The following PTGFRN variants were observed in gnomAD, a reference collection of about 807,000 sequenced individuals.
The protein encoded by PTGFRN is prostaglandin F2 receptor negative regulator.
Under a neutral mutation model 83.2 loss-of-function variants are expected in PTGFRN, and 35 were observed. The observed-to-expected ratio is 0.42, with a 90% CI of 0.32 to 0.56. PTGFRN has a LOEUF of 0.56. PTGFRN is among the 20% of genes least tolerant of loss of function. PTGFRN has a pLI of 0.11. For synonymous variants in PTGFRN, 519 were observed against 498.6 expected (o/e 1.04, Z -0.55); for missense variants, 1,051 against 1,179.5 (o/e 0.89, Z 1.60).
intron 7 of PTGFRN, among the ~76,000 whole-genome samples, chr1:116,980,744 T>A (rs538328021): frequency 6.6e-6 from 1 of 152,158 alleles, no homozygotes; most frequent in Non-Finnish European, 1.5e-5. Flanking sequence ...TTAGGAGATA[T>A]ACCTAATGTA....
intron 6 of PTGFRN, among the ~76,000 whole-genome samples, chr1:116,972,494 A>G (rs995078035): frequency 6.6e-6 from 1 of 152,240 alleles, no homozygotes; most frequent in African/African-American, 2.4e-5. Flanking sequence ...CATCATGTCA[A>G]AATGAAAATA....
intron 5 of PTGFRN, among the ~76,000 whole-genome samples, chr1:116,962,853 C>A (rs573979752): frequency 1.3e-5 from 2 of 152,200 alleles, no homozygotes; most frequent in Non-Finnish European, 2.9e-5. Flanking sequence ...TGTGTCTTCA[C>A]GTCTCTCTCA....
In PTGFRN at chr1:116,961,794, A is replaced by G; in HGVS notation, c.1639+126A>G. On this transcript the variant is annotated intron_variant, in intron 5 of 8. Coordinates refer to ENST00000393203, the MANE Select transcript of PTGFRN (RefSeq NM_020440.4). This position sits in a 1 kb window ranked among gnomAD's most constrained non-coding sequence, Gnocchi z 5.4. ...CTAGGAATGTGTGTCCTGGACATTG[A>G]TCGCCATGCGACCCGTTGCACATGC... 1 of 955,520 alleles carries G rather than the reference A, an allele frequency of 1.0e-6. No homozygotes were observed. Among genetic ancestry groups the G allele is most frequent in the Non-Finnish European group, 1.5e-6 (1 of 655,268 alleles). The allele number at this position is 955,520 out of a possible 1,614,324, so 59.2% of individuals were successfully genotyped here. A position where few individuals can be genotyped will look rare whatever the true frequency, so the allele number is the denominator to read the frequency against.
chr1:116,927,979 A>G (rs1273961383), intron 1 of PTGFRN, among the ~76,000 whole-genome samples: 4 of 152,206 alleles, frequency 2.6e-5, no homozygotes, highest in Non-Finnish European at 5.9e-5. Context: ...AGATTTCCAG[A>G]TATAAATGGC....
At position 116,952,776 on chromosome 1, in the gene PTGFRN, T is replaced by G. The variant is rs1183760996; in HGVS notation, c.1213+3204T>G. On this transcript the variant is annotated intron_variant, in intron 4 of 8. Transcript: ENST00000393203. The surrounding 1 kb of genome is among the most constrained non-coding windows in gnomAD (Gnocchi z 4.0). ...CATTGGAAAAGATAATAGACAGGGCTTTCAACTGTTCTTTTACAAAAGGCC... is the reference window on the plus strand; with the variant it reads ...CATTGGAAAAGATAATAGACAGGGCGTTCAACTGTTCTTTTACAAAAGGCC... Among the ~76,000 whole-genome samples, 1 of 152,230 alleles carries G rather than the reference T, an allele frequency of 6.6e-6. No homozygotes were observed. The highest frequency in any genetic ancestry group is 1.5e-5 in the Non-Finnish European group (1 of 68,038).
intron 6 of PTGFRN, 141 bp downstream of exon 6, chr1:116,967,471 C>T (rs1314961235): frequency 1.1e-6 from 1 of 909,188 alleles, no homozygotes; most frequent in African/African-American, 1.7e-5. Context: ...GTGTGTAATT[C>T]AGTGGCTTTT....
chr1:116,979,178 T>C (rs1306668427), intron 7 of PTGFRN, among the ~76,000 whole-genome samples: 1 of 152,132 alleles, frequency 6.6e-6, no homozygotes, highest in East Asian at 1.9e-4. Context: ...GTGAAGGACC[T>C]CTTCAAGGAG....
At position 116,913,723 on chromosome 1, in the gene PTGFRN, T is replaced by C. The variant is rs1208670908; in HGVS notation, c.49+3471T>C. ...ACTCATACTGGTTGTTTGATACATA[T>C]TGGCTGACTGAATACTTACATATGT... On this transcript the variant is annotated intron_variant, in intron 1 of 8. Coordinates refer to ENST00000393203, the MANE Select transcript of PTGFRN (RefSeq NM_020440.4). 6.6e-5 allele frequency among the ~76,000 whole-genome samples: 10 copies of C among 152,228 alleles called. No individual in the cohort carries two copies. In the East Asian group the frequency reaches 1.7e-3, roughly 26 times the overall value.
At chr1:116,921,691 TGCAAGA>T (rs1649541027) in intron 1 of PTGFRN, among the ~76,000 whole-genome samples, 1 of 152,108 alleles carries the variant, frequency 6.6e-6, no homozygotes, top group South Asian at 2.1e-4. Context: ...TCTGACATTG[TGCAAGA>T]TTACAAAGTC....
intron 6 of PTGFRN, among the ~76,000 whole-genome samples, chr1:116,968,495 A>T (rs184059222): frequency 2.6e-5 from 4 of 152,244 alleles, no homozygotes; most frequent in African/African-American, 9.6e-5. Context: ...ATTTGGAGAA[A>T]GCATAGGCCT....
At chr1:116,950,058 A>T (rs1650303679) in intron 4 of PTGFRN, among the ~76,000 whole-genome samples, 1 of 152,104 alleles carries the variant, frequency 6.6e-6, no homozygotes, top group Non-Finnish European at 1.5e-5. Context: ...TATACCACTT[A>T]CAACTAAAGG....
At chr1:116,962,756 C>T (rs1452102115) in intron 5 of PTGFRN, among the ~76,000 whole-genome samples, 6 of 152,166 alleles carry the variant, frequency 3.9e-5, no homozygotes, top group East Asian at 1.9e-4. Context: ...TGTACCGCTC[C>T]GTCTAGTACT....
chr1:116,909,988 T>TGGAGGAGGGAGGGAA lies in PTGFRN; in HGVS notation c.-210_-196dup. 1 of 570,368 alleles carries TGGAGGAGGGAGGGAA rather than the reference T, an allele frequency of 1.8e-6. No individual in the cohort carries two copies. Among genetic ancestry groups the TGGAGGAGGGAGGGAA allele is most frequent in the South Asian group, 2.0e-5 (1 of 50,712 alleles). 35.3% of individuals were successfully genotyped at this position (570,368 alleles called of 1,614,324 possible). ...GGGCCGGCTCCCGGGCCCGGCCGGCTGGAGGAGGGAGGGAAGGAGGCGGGA... is the reference window on the plus strand; with the variant it reads ...GGGCCGGCTCCCGGGCCCGGCCGGCTGGAGGAGGGAGGGAAGGAGGAGGGAGGGAAGGAGGCGGGA... On this transcript the variant is annotated 5_prime_UTR_variant, in exon 1 of 9. Coordinates refer to ENST00000393203, the MANE Select transcript of PTGFRN (RefSeq NM_020440.4).
At chr1:116,977,891 T>TA (rs1185980324) in intron 7 of PTGFRN, among the ~76,000 whole-genome samples, 1 of 151,958 alleles carries the variant, frequency 6.6e-6, no homozygotes, top group Non-Finnish European at 1.5e-5. Flanking sequence ...CTGAAGGAGA[T>TA]AGAGACACAA....
At position 116,949,509 on chromosome 1, in the gene PTGFRN, A is replaced by G. The variant is rs1650286547; in HGVS notation, c.1150A>G (p.Arg384Gly). 1 of 1,614,208 alleles carries G rather than the reference A, an allele frequency of 6.2e-7. No individual in the cohort carries two copies. The highest frequency in any genetic ancestry group is 2.2e-5 in the East Asian group (1 of 44,892). Residue 384 changes from arginine (R) to glycine (G), a missense_variant, in exon 4 of 9, where the codon AGG (arginine) becomes GGG (glycine). By Grantham distance (125) the Arg-to-Gly change is moderately radical. Transcript: ENST00000393203. Reference protein sequence around the residue: ...HVSLWAPGHNRSWHKVAEAVS... With the variant: ...HVSLWAPGHNGSWHKVAEAVS... ...GTCCCTGTGGGCACCCGGACACAAC[A>G]GGAGCTGGCACAAAGTGGCAGAGGC...
chr1:116,969,045 G>A (rs1650917721), intron 6 of PTGFRN, among the ~76,000 whole-genome samples: 1 of 150,926 alleles, frequency 6.6e-6, no homozygotes, highest in Non-Finnish European at 1.5e-5. Flanking sequence ...CGCATTCTGT[G>A]TGTTGTCTTT....
At chr1:116,934,486 C>A (rs2767343) in intron 1 of PTGFRN, among the ~76,000 whole-genome samples, 3 of 151,998 alleles carry the variant, frequency 2.0e-5, no homozygotes, top group Non-Finnish European at 4.4e-5. Flanking sequence ...GCTGCCAAAC[C>A]TATTTATTGA....
Position 116,933,761 on chromosome 1 carries a change from G to A in PTGFRN, c.50-7954G>A, listed in dbSNP as rs573663568. Among the ~76,000 whole-genome samples the A allele has an allele frequency of 3.3e-5, 5 of 152,188 alleles. No homozygotes were observed. The South Asian group carries it at 8.3e-4, about 25-fold the overall frequency. The stretch of plus-strand genomic sequence containing the variant: ...ATCACTTTAAAGATGTCATTCTGTG[G>A]TCTTCTCATGAGCATCATTTCCGTT... On this transcript the variant is annotated intron_variant, in intron 1 of 8. Transcript: ENST00000393203.
intron 1 of PTGFRN, among the ~76,000 whole-genome samples, chr1:116,930,745 G>A (rs934811368): frequency 6.6e-6 from 1 of 151,914 alleles, no homozygotes; most frequent in East Asian, 1.9e-4. Flanking sequence ...TGATCTCTGG[G>A]CCTCCATGTC....
Sources: gnomAD v4.1 joint callset for allele counts (sites outside exome capture counted in the v4.1 genomes callset) on GRCh38, gnomAD v4.1.1 for gene constraint, Gnocchi (gnomAD v3.1) non-coding constraint, MANE v1.5 for transcripts, NCBI Gene and HGNC (gene_info 2026-07-23, HGNC 2026-07-21) for gene names.